Variants in FREM1 observed in about 807,000 individuals in gnomAD.
FREM1 encodes the protein FRAS1 related extracellular matrix 1, also known as FRAS1-related extracellular matrix protein 1.
FREM1 carries 220 observed loss-of-function variants against 210.1 expected under a neutral mutation model. The ratio of observed to expected loss-of-function variants is 1.05; its 90% CI spans 0.94 to 1.17. The LOEUF (loss-of-function observed/expected upper bound fraction) is 1.17. FREM1 is among the 50% of genes most tolerant of loss of function. The pLI, the probability that FREM1 is intolerant of heterozygous loss-of-function variation, is 0.00. For synonymous variants in FREM1, 1,189 were observed against 980.2 expected, an observed-to-expected ratio of 1.21 and a Z score of -3.98; for missense variants, 3,454 against 2,675.5, an observed-to-expected ratio of 1.29 and a Z score of -6.42.
intron 1 of FREM1, among the ~76,000 whole-genome samples, chr9:14,896,510 A>C (rs1006911778): frequency 2.1e-5 from 3 of 143,798 alleles, no homozygotes; most frequent in Non-Finnish European, 4.5e-5. Context: ...GCACCACTGC[A>C]CTCCAGCCTG....
chr9:14,860,894 C>T (rs1387252793), intron 3 of FREM1, among the ~76,000 whole-genome samples: 9 of 62,312 alleles, frequency 1.4e-4, no homozygotes, highest in African/African-American at 6.4e-4. Flanking sequence ...CACATATATA[C>T]ATATATACAC....
intron 14 of FREM1, among the ~76,000 whole-genome samples, chr9:14,818,645 T>C (rs1820735480): frequency 1.3e-5 from 2 of 152,294 alleles, no homozygotes; most frequent in South Asian, 4.2e-4. Flanking sequence ...GTAGAGGAAA[T>C]GAAAGACCTT....
chr9:14,866,532 C>T (rs527275183), intron 2 of FREM1, among the ~76,000 whole-genome samples: 2 of 152,254 alleles, frequency 1.3e-5, no homozygotes, highest in East Asian at 3.9e-4. Context: ...AGAATCTGGT[C>T]ATCTGCAGGG....
intron 1 of FREM1, among the ~76,000 whole-genome samples, chr9:14,895,977 G>A (rs746795144): frequency 6.6e-6 from 1 of 152,102 alleles, no homozygotes; most frequent in Non-Finnish European, 1.5e-5. Flanking sequence ...TAGGAGCTGG[G>A]TAAAATGAAT....
At position 14,780,433 on chromosome 9, in the gene FREM1, G is replaced by GAAAAAAAAAAAAAAAAAAAAAAAAAAA. The variant is rs58017285; in HGVS notation, c.4442+3936_4442+3937insTTTTTTTTTTTTTTTTTTTTTTTTTTT. Among the ~76,000 whole-genome samples, 5 of 81,540 alleles carry GAAAAAAAAAAAAAAAAAAAAAAAAAAA rather than the reference G, an allele frequency of 6.1e-5. 1 individual carries two copies. Among genetic ancestry groups the GAAAAAAAAAAAAAAAAAAAAAAAAAAA allele is most frequent in the Non-Finnish European group, 1.3e-4 (5 of 39,150 alleles). The allele number at this position is 81,540 out of a possible 152,430, so 53.5% of individuals were successfully genotyped here. ...AATCATAAATAGCGCCAGCTCCTCA[G>GAAAAAAAAAAAAAAAAAAAAAAAAAAA]AAAAAAAAAAAAAAAAAGTCCAGCC... On this transcript the variant is annotated intron_variant, in intron 24 of 36. Coordinates refer to ENST00000380880, the MANE Select transcript of FREM1 (RefSeq NM_001379081.2).
rs778424724 is a variant in FREM1, at chr9:14,841,586, T to C, written c.1742A>G (p.Tyr581Cys). The change falls in exon 10 of 37, where the codon TAT (tyrosine) becomes TGT (cysteine). Residue 581 changes from tyrosine to cysteine, a missense_variant. Physicochemically the swap from Tyr to Cys is radical, Grantham distance 194. Transcript: ENST00000380880. Reference protein sequence around the residue: ...MKKPGPGLIGYPVHGFLQRDL... With the variant: ...MKKPGPGLIGCPVHGFLQRDL... ...CCTCTGAAGGAAGCCATGGACAGGATAGCCTATTGGGTCCATAAAACACCA... is the reference window on the plus strand; with the variant it reads ...CCTCTGAAGGAAGCCATGGACAGGACAGCCTATTGGGTCCATAAAACACCA... 1.9e-6 allele frequency: 3 copies of C among 1,597,010 alleles called. No homozygotes were observed. The highest frequency in any genetic ancestry group is 2.2e-5 in the East Asian group (1 of 44,578).
At chr9:14,864,346 A>G (rs1473084825) in intron 2 of FREM1, among the ~76,000 whole-genome samples, 2 of 152,172 alleles carry the variant, frequency 1.3e-5, no homozygotes, top group African/African-American at 4.8e-5. Context: ...CTTTCTGTAT[A>G]TCTGTGTTCT....
intron 21 of FREM1, 143 bp from the exon 22 acceptor site, chr9:14,793,027 G>A: frequency 1.8e-6 from 1 of 570,486 alleles, no homozygotes; most frequent in Non-Finnish European, 3.0e-6. Context: ...GATGACTAGT[G>A]AGAGGAATGA....
intron 14 of FREM1, among the ~76,000 whole-genome samples, chr9:14,818,720 A>G (rs1244029703): frequency 6.6e-6 from 1 of 152,202 alleles, no homozygotes; most frequent in African/African-American, 2.4e-5. Flanking sequence ...TGGAGACTCA[A>G]GTATTAGTTT....
chr9:14,853,824 T>C (rs911920382), intron 5 of FREM1, among the ~76,000 whole-genome samples: 22 of 152,198 alleles, frequency 1.4e-4, no homozygotes, highest in African/African-American at 4.8e-4. Context: ...TATTTGAAGA[T>C]GCATAATTAG....
At chr9:14,838,633 T>C (rs778212773) in intron 10 of FREM1, among the ~76,000 whole-genome samples, 3 of 152,192 alleles carry the variant, frequency 2.0e-5, no homozygotes, top group Non-Finnish European at 4.4e-5. Flanking sequence ...TTGGGTCTTA[T>C]TTCCTCCTAG....
At chr9:14,811,657 G>A (rs749017876) in intron 16 of FREM1, among the ~76,000 whole-genome samples, 15 of 152,236 alleles carry the variant, frequency 9.9e-5, no homozygotes, top group African/African-American at 2.9e-4. Flanking sequence ...AAAATGTCCC[G>A]AGACATCTGG....
intron 20 of FREM1, among the ~76,000 whole-genome samples, chr9:14,798,305 AG>A (rs546287601): frequency 6.6e-5 from 10 of 152,252 alleles, no homozygotes; most frequent in Non-Finnish European, 1.3e-4. Flanking sequence ...TTTTAAAGAT[AG>A]TTGTATAAAA....
chr9:14,773,239 T>C (rs1847910163), intron 25 of FREM1, among the ~76,000 whole-genome samples: 1 of 152,188 alleles, frequency 6.6e-6, no homozygotes, highest in Non-Finnish European at 1.5e-5. Flanking sequence ...GTTGCAATAA[T>C]CTTGGTCAGA....
chr9:14,792,270 A>ACG (rs1243633159), intron 22 of FREM1, among the ~76,000 whole-genome samples: 274 of 102,802 alleles, frequency 2.7e-3, no homozygotes, highest in Non-Finnish European at 3.4e-3. Flanking sequence ...CCACACACAC[A>ACG]CGCACACACA....
Position 14,806,768 on chromosome 9 carries a change from G to T in FREM1, c.3167C>A (p.Ala1056Glu), listed in dbSNP as rs758020797. ...NHLSATDPDT[A>E]ADDLEFVLVS... ...CAAAACAAATTCCAAGTCATCTGCT[G>T]CAGTGTCAGGGTCAGTGGCGGACAA... is the stretch of plus-strand genomic sequence containing the variant. The change falls in exon 18 of 37, where the codon GCA becomes GAA. Residue 1056 changes from alanine (A) to glutamate (E), a missense_variant. By Grantham distance (107) the Ala-to-Glu change is moderately radical. Transcript: ENST00000380880. 8.7e-6 allele frequency: 14 copies of T among 1,606,008 alleles called. No individual in the cohort carries two copies. The highest frequency in any genetic ancestry group is 1.7e-5 in the Admixed American group (1 of 59,126).
Position 14,910,174 on chromosome 9 carries a change from G to A in FREM1, c.-528C>T, listed in dbSNP as rs531497681. Reference sequence around the variant, plus strand: ...ACATACACACTCCACTTTCTTTGCTGGTCTTCTCCAAGGCAGCTGCTGCAG... The same window carrying A: ...ACATACACACTCCACTTTCTTTGCTAGTCTTCTCCAAGGCAGCTGCTGCAG... On this transcript the variant is annotated 5_prime_UTR_variant, in exon 1 of 37. Transcript: ENST00000380880. 43 of 152,360 alleles carry A rather than the reference G, an allele frequency of 2.8e-4. 1 individual carries two copies. The highest frequency in any genetic ancestry group is 9.9e-4 in the African/African-American group (41 of 41,568). The allele number at this position is 152,360 out of a possible 1,614,324, so 9.4% of individuals were successfully genotyped here.
intron 35 of FREM1, among the ~76,000 whole-genome samples, chr9:14,743,489 T>C (rs923545709): frequency 9.2e-5 from 14 of 152,190 alleles, no homozygotes; most frequent in South Asian, 4.1e-4. Context: ...GAACAGTCCT[T>C]TAAAAAAACA....
At chr9:14,909,510 C>T (rs780123431) in intron 1 of FREM1, among the ~76,000 whole-genome samples, 19 of 152,352 alleles carry the variant, frequency 1.2e-4, no homozygotes, top group Middle Eastern at 6.8e-3. Context: ...ATCCAAATTT[C>T]TCTATGTTTG....
Sources: gnomAD v4.1 joint callset for allele counts (sites outside exome capture counted in the v4.1 genomes callset) on GRCh38, gnomAD v4.1.1 for gene constraint, MANE v1.5 for transcripts, NCBI Gene and HGNC (gene_info 2026-07-23, HGNC 2026-07-21) for gene names.